The following PRRG1 variants were observed in gnomAD, a reference collection of about 807,000 sequenced individuals.
PRRG1 encodes proline rich and Gla domain 1, also known as transmembrane gamma-carboxyglutamic acid protein 1.
A neutral mutation model predicts 11.8 loss-of-function variants in PRRG1; 5 were observed. The ratio of observed to expected loss-of-function variants is 0.42; its 90% CI spans 0.22 to 0.89. PRRG1 has a LOEUF of 0.89. Among genes scored for constraint, PRRG1 ranks in the 40% least tolerant of loss-of-function variants. The pLI is 0.28. For synonymous variants in PRRG1, 66 were observed against 60.4 expected, an observed-to-expected ratio of 1.09 and a Z score of -0.43; for missense variants, 155 against 166.1, an observed-to-expected ratio of 0.93 and a Z score of 0.37.
intron 1 of PRRG1, among the ~76,000 whole-genome samples, chrX:37,370,215 A>C (rs1286184523): frequency 8.9e-6 from 1 of 112,031 alleles, no homozygotes; most frequent in Non-Finnish European, 1.9e-5. Flanking sequence ...AGTATATACC[A>C]CATTTTCTTT....
At chrX:37,426,100 A>G in intron 3 of PRRG1, 100 bp downstream of exon 3, 1 of 923,836 alleles carries the variant, frequency 1.1e-6, no homozygotes, top group Non-Finnish European at 1.5e-6. Context: ...CTAGCAATTA[A>G]AAATTCCTTT....
At chrX:37,448,440 A>G (rs1556395768) in intron 3 of PRRG1, among the ~76,000 whole-genome samples, 1 of 111,860 alleles carries the variant, frequency 8.9e-6, no homozygotes, top group Non-Finnish European at 1.9e-5. Flanking sequence ...CCTGTGACCA[A>G]TCACAGGCTG....
intron 1 of PRRG1, among the ~76,000 whole-genome samples, chrX:37,370,881 C>T (rs955702780): frequency 4.5e-5 from 5 of 111,932 alleles, no homozygotes; most frequent in African/African-American, 9.8e-5. Context: ...TGGGTGCCAA[C>T]GAGCATGGGA....
chrX:37,400,827 A>G (rs1931945883), intron 1 of PRRG1, among the ~76,000 whole-genome samples: 1 of 111,971 alleles, frequency 8.9e-6, no homozygotes, highest in Non-Finnish European at 1.9e-5. Flanking sequence ...ACAGAAATAC[A>G]AACTACCATC....
rs185038715 is a variant in PRRG1 at position 37,384,424 on chromosome X, T to A, written c.-41-21785T>A. ...TTCATAATGGCTTCTCTCTTTTTTG[T>A]CTCATTTCTACCTTAAGGATTCCTT... On this transcript the variant is annotated intron_variant, in intron 1 of 3. Coordinates refer to ENST00000378628, the MANE Select transcript of PRRG1 (RefSeq NM_001142395.2). Among the ~76,000 whole-genome samples the A allele has an allele frequency of 4.8e-3, 535 of 111,794 alleles. 3 individuals carry two copies. Among genetic ancestry groups the A allele is most frequent in the Non-Finnish European group, 7.9e-3 (418 of 53,033 alleles).
intron 2 of PRRG1, among the ~76,000 whole-genome samples, chrX:37,415,238 G>A (rs1235238886): frequency 9.0e-6 from 1 of 111,405 alleles, no homozygotes; most frequent in South Asian, 3.8e-4. Flanking sequence ...GCGAAGCCCC[G>A]TCTGTACTAA....
chrX:37,452,099 A>T (rs1181288013), intron 3 of PRRG1, among the ~76,000 whole-genome samples: 1 of 112,448 alleles, frequency 8.9e-6, no homozygotes, highest in Admixed American at 9.4e-5. Flanking sequence ...AATAAACATG[A>T]TTGTAAGAAA....
At chrX:37,415,125 G>A (rs1193147089) in intron 2 of PRRG1, among the ~76,000 whole-genome samples, 7 of 112,167 alleles carry the variant, frequency 6.2e-5, no homozygotes, top group East Asian at 2.8e-4. Flanking sequence ...AAAATGTGTC[G>A]CAGCCAGACG....
chrX:37,406,395 G>A, intron 2 of PRRG1, 136 bp downstream of exon 2: 1 of 617,183 alleles, frequency 1.6e-6, no homozygotes, highest in Admixed American at 3.2e-5. Flanking sequence ...GTTTTTGTCT[G>A]AAGCAGGGCT....
intron 3 of PRRG1, among the ~76,000 whole-genome samples, chrX:37,448,762 C>T (rs1556395839): frequency 9.9e-5 from 11 of 111,372 alleles, no homozygotes. Flanking sequence ...CAAGATAATA[C>T]CTTACTTTTT....
intron 2 of PRRG1, among the ~76,000 whole-genome samples, chrX:37,415,668 C>T (rs1327047947): frequency 1.8e-5 from 2 of 111,816 alleles, no homozygotes; most frequent in Non-Finnish European, 3.8e-5. Flanking sequence ...AATTTGACTA[C>T]CAGGTTACAA....
intron 2 of PRRG1, among the ~76,000 whole-genome samples, chrX:37,415,874 C>T (rs1171528182): frequency 8.9e-6 from 1 of 111,983 alleles, no homozygotes; most frequent in African/African-American, 3.2e-5. Context: ...GCTAACCCAT[C>T]TAGTTAGATT....
At chrX:37,358,573 C>G (rs1334516809) in intron 1 of PRRG1, among the ~76,000 whole-genome samples, 1 of 111,189 alleles carries the variant, frequency 9.0e-6, no homozygotes, top group Non-Finnish European at 1.9e-5. Context: ...TTACATTTAC[C>G]TGTTTGTCCA....
chrX:37,397,675 G>A (rs1010403760), intron 1 of PRRG1, among the ~76,000 whole-genome samples: 1 of 111,762 alleles, frequency 8.9e-6, no homozygotes, highest in Non-Finnish European at 1.9e-5. Flanking sequence ...GAGGAAAAGA[G>A]CAGAGGCAAA....
intron 1 of PRRG1, among the ~76,000 whole-genome samples, chrX:37,377,912 T>C (rs1191060311): frequency 3.6e-5 from 4 of 111,694 alleles, no homozygotes; most frequent in Non-Finnish European, 7.5e-5. Context: ...CTTGCTGTTG[T>C]TGACTCTAGT....
At chrX:37,427,503 T>C (rs1055495875) in intron 3 of PRRG1, among the ~76,000 whole-genome samples, 3 of 112,100 alleles carry the variant, frequency 2.7e-5, no homozygotes, top group Admixed American at 9.5e-5. Flanking sequence ...CTTAGCAAAA[T>C]TTAAGTATAT....
intron 1 of PRRG1, among the ~76,000 whole-genome samples, chrX:37,381,322 C>T (rs1481475156): frequency 3.6e-5 from 4 of 111,533 alleles, no homozygotes; most frequent in East Asian, 2.8e-4. Context: ...TGCCCTTGGC[C>T]GACTTATAAG....
At chrX:37,392,494 G>A (rs1931572466) in intron 1 of PRRG1, among the ~76,000 whole-genome samples, 1 of 105,909 alleles carries the variant, frequency 9.4e-6, no homozygotes, top group Non-Finnish European at 1.9e-5. Flanking sequence ...TTTGAGACCA[G>A]CCTGGGCAAC....
At chrX:37,442,553 A>G (rs1195148571) in intron 3 of PRRG1, among the ~76,000 whole-genome samples, 2 of 111,524 alleles carry the variant, frequency 1.8e-5, no homozygotes, top group African/African-American at 6.5e-5. Flanking sequence ...TACATGGTAC[A>G]GTGTAAAACA....
Sources: gnomAD v4.1 joint callset for allele counts (sites outside exome capture counted in the v4.1 genomes callset) on GRCh38, gnomAD v4.1.1 for gene constraint, MANE v1.5 for transcripts, NCBI Gene and HGNC (gene_info 2026-07-23, HGNC 2026-07-21) for gene names.